The following SCN3A variants were observed in gnomAD, a reference collection of about 807,000 sequenced individuals.
SCN3A encodes the protein sodium channel protein type 3 subunit alpha.
In SCN3A, 60 loss-of-function variants were observed where a neutral mutation model predicts 187.6. That is an observed-to-expected ratio of 0.32 (90% confidence interval 0.26 to 0.40). The LOEUF is 0.40. Among genes scored for constraint, SCN3A ranks in the 10% least tolerant of loss-of-function variants. The pLI, the probability that SCN3A is intolerant of heterozygous loss-of-function variation, is 1.00. For synonymous variants in SCN3A, 788 were observed against 829.2 expected (o/e 0.95, Z 0.85); for missense variants, 1,601 against 2,428.2 (o/e 0.66, Z 7.16).
chr2:165,122,815 C>A (rs1686774940), intron 18 of SCN3A: 1 of 152,090 alleles, frequency 6.6e-6, no homozygotes, highest in Non-Finnish European at 1.5e-5. Context: ...GCTTGGATAA[C>A]CTGGGTAAAA....
chr2:165,192,124 C>T (rs1691651660), intron 1 of SCN3A, among the ~76,000 whole-genome samples: 2 of 151,908 alleles, frequency 1.3e-5, no homozygotes, highest in Admixed American at 1.3e-4. Flanking sequence ...TAAAAGGACT[C>T]AATATAGGAA....
chr2:165,154,558 A>G lies in SCN3A; in HGVS notation c.1274T>C (p.Met425Thr), dbSNP rs753365201. The change falls in exon 11 of 28, where the codon ATG (methionine) becomes ACG (threonine). Residue 425 changes from methionine (M) to threonine (T), a missense_variant. Physicochemically the swap from Met to Thr is moderately conservative, Grantham distance 81. This residue lies in a region of SCN3A where 47 missense variants were observed against 105.8 expected (regional missense o/e 0.44). Coordinates refer to ENST00000283254, the MANE Select transcript of SCN3A (RefSeq NM_006922.4). ...LVNLILAVVAMAYEEQNQATL... is the reference protein window; with the variant it reads ...LVNLILAVVATAYEEQNQATL... ...GGCCTGATTCTGCTCCTCATAGGCCATGGCCACCACAGCCAGGATCAAATT... is the reference window on the plus strand; with the variant it reads ...GGCCTGATTCTGCTCCTCATAGGCCGTGGCCACCACAGCCAGGATCAAATT... 1 of 1,614,106 alleles carries G rather than the reference A, an allele frequency of 6.2e-7. No individual in the cohort carries two copies. Among genetic ancestry groups the G allele is most frequent in the Non-Finnish European group, 8.5e-7 (1 of 1,180,020 alleles).
At chr2:165,184,199 C>T (rs892545567) in intron 2 of SCN3A, among the ~76,000 whole-genome samples, 1 of 152,118 alleles carries the variant, frequency 6.6e-6, no homozygotes, top group African/African-American at 2.4e-5. Context: ...AACCACTGGA[C>T]ACATTCCAAG....
intron 1 of SCN3A, among the ~76,000 whole-genome samples, chr2:165,188,911 T>A (rs1161763226): frequency 4.0e-5 from 6 of 151,452 alleles, no homozygotes; most frequent in Admixed American, 3.3e-4. Flanking sequence ...TGAGGTAGGG[T>A]CGAGGGATCT....
intron 21 of SCN3A, among the ~76,000 whole-genome samples, chr2:165,103,158 T>C (rs1685686485): frequency 6.6e-6 from 1 of 152,218 alleles, no homozygotes; most frequent in Non-Finnish European, 1.5e-5. Context: ...TTCAAATCTC[T>C]ATTATAAGTG....
intron 4 of SCN3A, 79 bp downstream of exon 4, chr2:165,170,351 T>C: frequency 3.5e-6 from 3 of 860,882 alleles, no homozygotes; most frequent in Non-Finnish European, 5.9e-6. Context: ...ATTTTACAGA[T>C]ACTTGAAAAT....
chr2:165,090,117 C>T lies in SCN3A; in HGVS notation c.*33G>A. The stretch of plus-strand genomic sequence containing the variant: ...ATACTTTACCTTCATAGGCTGTAAA[C>T]AATTGATCACAAAGATAATTCTTTG... On this transcript the variant is annotated 3_prime_UTR_variant, in exon 28 of 28. Transcript: ENST00000283254. The surrounding 1 kb of genome is among the most constrained non-coding windows in gnomAD (Gnocchi z 4.0). 1 of 1,554,198 alleles carries T rather than the reference C, an allele frequency of 6.4e-7. No homozygotes were observed.
intron 11 of SCN3A, among the ~76,000 whole-genome samples, chr2:165,147,230 G>T (rs994016190): frequency 1.4e-5 from 2 of 147,752 alleles, no homozygotes; most frequent in Non-Finnish European, 3.0e-5. Flanking sequence ...GCTAGTGTAT[G>T]CATTAAAGCA....
chr2:165,099,797 A>G (rs1574105883), intron 22 of SCN3A, among the ~76,000 whole-genome samples: 1 of 152,164 alleles, frequency 6.6e-6, no homozygotes, highest in East Asian at 1.9e-4. Context: ...TTCACTTTGG[A>G]TGTTATTTAG....
chr2:165,162,919 G>T lies in SCN3A; in HGVS notation c.695-91C>A. 2.0e-6 allele frequency: 3 copies of T among 1,488,542 alleles called. No individual in the cohort carries two copies. In the African/African-American group the frequency reaches 4.1e-5, roughly 21 times the overall value. The allele number at this position is 1,488,542 out of a possible 1,614,324, so 92.2% of individuals were successfully genotyped here. A position where few individuals can be genotyped will look rare whatever the true frequency, so the allele number is the denominator to read the frequency against. On this transcript the variant is annotated intron_variant, in intron 7 of 27. Transcript: ENST00000283254. ...CACACATTCTCTTTCCCCCATAAAT[G>T]ATTGCTTGACTATTTAGACACCAAA...
chr2:165,163,998 A>C (rs1689576823), intron 6 of SCN3A: 1 of 1,054,952 alleles, frequency 9.5e-7, no homozygotes, highest in Non-Finnish European at 1.4e-6. Flanking sequence ...TAACAAATGG[A>C]ATTGCTATAG....
At position 165,139,586 on chromosome 2, in the gene SCN3A, A is replaced by G. The variant is rs1319265148; in HGVS notation, c.2042T>C (p.Val681Ala). The G allele has an allele frequency of 6.2e-7, 1 of 1,613,814 alleles. No individual in the cohort carries two copies. The highest frequency in any genetic ancestry group is 1.7e-5 in the Admixed American group (1 of 59,982). ...PPEGTTTETEVRKRRLSSYQI... is the reference protein window; with the variant it reads ...PPEGTTTETEARKRRLSSYQI... Reference sequence around the variant, plus strand: ...GTAAGAGCTTAACCTTCTCTTTCTGACTTCCGTTTCTGTGGTGGTGCCCTG... The same window carrying G: ...GTAAGAGCTTAACCTTCTCTTTCTGGCTTCCGTTTCTGTGGTGGTGCCCTG... Residue 681 changes from valine to alanine, a missense_variant, in exon 14 of 28, where the codon GTC becomes GCC. This residue lies in a region of SCN3A where 376 missense variants were observed against 476.0 expected (regional missense o/e 0.79). Coordinates refer to ENST00000283254, the MANE Select transcript of SCN3A (RefSeq NM_006922.4).
At chr2:165,138,349 T>G (rs536222445) in intron 14 of SCN3A, among the ~76,000 whole-genome samples, 140 of 152,316 alleles carry the variant, frequency 9.2e-4, no homozygotes, top group Admixed American at 2.2e-3. Flanking sequence ...GCACTTTGAA[T>G]TTAATATTTT....
At chr2:165,125,521 A>G (rs1686937924) in intron 18 of SCN3A, among the ~76,000 whole-genome samples, 1 of 151,980 alleles carries the variant, frequency 6.6e-6, no homozygotes, top group South Asian at 2.1e-4. Context: ...GTTTCACCGT[A>G]CTAGCTAGGA....
At chr2:165,199,854 C>A (rs1692206396) in intron 1 of SCN3A, among the ~76,000 whole-genome samples, 1 of 152,042 alleles carries the variant, frequency 6.6e-6, no homozygotes, top group African/African-American at 2.4e-5. Context: ...GCACTTGTTA[C>A]ATCCCATTAA....
intron 21 of SCN3A, among the ~76,000 whole-genome samples, chr2:165,104,871 C>T (rs1166776004): frequency 6.6e-6 from 1 of 152,156 alleles, no homozygotes; most frequent in Admixed American, 6.6e-5. Flanking sequence ...ATACCCCCTA[C>T]TGAAGTTCAA....
rs1684957267 is a variant in SCN3A, at chr2:165,088,981, C to CA, written c.*1168_*1169insT. The CA allele has an allele frequency of 6.6e-6, 1 of 152,492 alleles. No individual in the cohort carries two copies. The highest frequency in any genetic ancestry group is 1.5e-5 in the Non-Finnish European group (1 of 67,966). The allele number at this position is 152,492 out of a possible 1,614,324, so 9.4% of individuals were successfully genotyped here. A position where few individuals can be genotyped will look rare whatever the true frequency, so the allele number is the denominator to read the frequency against. ...ATGGACAGAGCAGGTTGAATTCATT[C>CA]TATCACCAATATGTGACATTCTTTA... On this transcript the variant is annotated 3_prime_UTR_variant, in exon 28 of 28. Transcript: ENST00000283254.
intron 18 of SCN3A, among the ~76,000 whole-genome samples, chr2:165,120,576 G>T (rs1686605103): frequency 6.6e-6 from 1 of 151,896 alleles, no homozygotes; most frequent in Non-Finnish European, 1.5e-5. Flanking sequence ...AGCCATTACA[G>T]ATTGCCTTTA....
At chr2:165,145,937 T>C (rs1056299604) in intron 12 of SCN3A, among the ~76,000 whole-genome samples, 8 of 152,164 alleles carry the variant, frequency 5.3e-5, no homozygotes, top group African/African-American at 1.9e-4. Context: ...ATCAGACATA[T>C]GTAAACAATA....
Sources: allele counts gnomAD v4.1 joint callset (sites outside exome capture counted in the v4.1 genomes callset), GRCh38; gene constraint gnomAD v4.1.1; regional missense constraint gnomAD v4.1.1; non-coding constraint Gnocchi (gnomAD v3.1); transcripts MANE v1.5; gene names NCBI Gene and HGNC (gene_info 2026-07-23, HGNC 2026-07-21).